Variants in FLNB observed in about 807,000 individuals in gnomAD.
FLNB encodes filamin-B.
In FLNB, 111 loss-of-function variants were observed where a neutral mutation model predicts 250.6. That is an observed-to-expected ratio of 0.44 (90% confidence interval 0.38 to 0.52). FLNB has a LOEUF of 0.52. Among genes scored for constraint, FLNB ranks in the 20% least tolerant of loss-of-function variants. The probability of loss-of-function intolerance (pLI) is 0.00; values close to 1 mark genes in which losing one functional copy is unlikely to be tolerated. For synonymous variants in FLNB, 1,302 were observed against 1,372.1 expected (o/e 0.95, Z 1.13); for missense variants, 2,869 against 3,447.8 (o/e 0.83, Z 4.20).
intron 31 of FLNB, 72 bp from the exon 32 acceptor site, chr3:58,143,401 G>A: frequency 3.2e-6 from 5 of 1,544,984 alleles, no homozygotes; most frequent in South Asian, 1.1e-5. Context: ...GAATACATCT[G>A]TGCCTTGGGC....
intron 7 of FLNB, among the ~76,000 whole-genome samples, chr3:58,098,195 G>A (rs2097242452): frequency 6.6e-6 from 1 of 152,174 alleles, no homozygotes; most frequent in Admixed American, 6.5e-5. Context: ...TTCTTGAATT[G>A]TTGGCTTCTT....
At position 58,109,286 on chromosome 3, in the gene FLNB, C is replaced by A; in HGVS notation, c.2163C>A (p.Val721=). 1 of 1,614,184 alleles carries A rather than the reference C, an allele frequency of 6.2e-7. No individual in the cohort carries two copies. Among genetic ancestry groups the A allele is most frequent in the Non-Finnish European group, 8.5e-7 (1 of 1,180,016 alleles). The part of the protein sequence containing the change: ...VKAIKHTIAV[V]WGGVNIPHSP... ...CCATCAAGCACACCATTGCTGTGGT[C>A]TGGGGAGGCGTGAACATCCCGCACA... The change falls in exon 14 of 46, where the codon GTC becomes GTA. Residue 721 remains valine (V), a synonymous_variant. Coordinates refer to ENST00000295956, the MANE Select transcript of FLNB (RefSeq NM_001457.4).
At position 58,123,508 on chromosome 3, in the gene FLNB, G is replaced by A. The variant is rs951952880; in HGVS notation, c.3542G>A (p.Ser1181Asn). 1 of 1,604,666 alleles carries A rather than the reference G, an allele frequency of 6.2e-7. No individual in the cohort carries two copies. The highest frequency in any genetic ancestry group is 8.5e-7 in the Non-Finnish European group (1 of 1,174,634). ...VSDSGTKAEVSIQNNKDGTYA... is the reference protein window; with the variant it reads ...VSDSGTKAEVNIQNNKDGTYA... ...GACTCGGGAACAAAAGCCGAAGTCA[G>A]TATTCAGAACAACAAAGATGGCACC... Residue 1181 changes from serine (S) to asparagine (N), a missense_variant, in exon 21 of 46, where the codon AGT (serine) becomes AAT (asparagine). Around this residue, in one of 5 missense-constraint regions of FLNB, gnomAD observed 1,348 missense variants for 1,466.7 expected, o/e 0.92. Transcript: ENST00000295956.
chr3:58,096,582 C>G (rs138665251), intron 6 of FLNB, among the ~76,000 whole-genome samples: 2,465 of 152,216 alleles, frequency 0.016, 60 homozygotes, highest in East Asian at 0.055. Flanking sequence ...GGTCTCAGCT[C>G]ACTGCAACCC....
At position 58,094,875 on chromosome 3, in the gene FLNB, A is replaced by G. The variant is rs1410087912; in HGVS notation, c.827A>G (p.Lys276Arg). Residue 276 changes from lysine (K) to arginine (R), a missense_variant, in exon 5 of 46, where the codon AAG (lysine) becomes AGG (arginine). Coordinates refer to ENST00000295956, the MANE Select transcript of FLNB (RefSeq NM_001457.4). ...PTGNMVKQPA[K>R]FTVDTISAGQ... ...GGAAACATGGTGAAGCAGCCAGCCA[A>G]GTTCACTGTGGACACCATCAGCGCC... 14 of 1,614,062 alleles carry G rather than the reference A, an allele frequency of 8.7e-6. No individual in the cohort carries two copies. Among genetic ancestry groups the G allele is most frequent in the Non-Finnish European group, 1.2e-5 (14 of 1,180,024 alleles).
intron 1 of FLNB, among the ~76,000 whole-genome samples, chr3:58,054,897 G>A (rs2097167877): frequency 6.6e-6 from 1 of 152,158 alleles, no homozygotes. Context: ...TTTATGTACT[G>A]TCTATGGATG....
intron 34 of FLNB, among the ~76,000 whole-genome samples, chr3:58,147,449 C>G (rs9809627): frequency 6.6e-6 from 1 of 152,168 alleles, no homozygotes; most frequent in Admixed American, 6.5e-5. Flanking sequence ...TATCAAATTC[C>G]AAAGCCCATG....
At chr3:58,085,754 A>G (rs1300388459) in intron 4 of FLNB, among the ~76,000 whole-genome samples, 1 of 152,108 alleles carries the variant, frequency 6.6e-6, no homozygotes, top group African/African-American at 2.4e-5. Flanking sequence ...ATCCTTAAGC[A>G]CCCTTCTATC....
chr3:58,060,769 C>CAAAAAAAAAA (rs71091334), intron 1 of FLNB, among the ~76,000 whole-genome samples: 9 of 64,212 alleles, frequency 1.4e-4, no homozygotes, highest in Non-Finnish European at 1.4e-4. Flanking sequence ...GACCTTGTCT[C>CAAAAAAAAAA]AAAAAAAAAA....
At chr3:58,018,578 C>T (rs962141993) in intron 1 of FLNB, among the ~76,000 whole-genome samples, 3 of 151,812 alleles carry the variant, frequency 2.0e-5, no homozygotes, top group Admixed American at 2.0e-4. Context: ...TACAGTGGCG[C>T]GATCTTGGCT....
At chr3:58,167,324 T>G (rs897802683) in intron 43 of FLNB, among the ~76,000 whole-genome samples, 1 of 152,198 alleles carries the variant, frequency 6.6e-6, no homozygotes, top group Admixed American at 6.5e-5. Context: ...GGGTGGACCT[T>G]GGGGCAGGAG....
intron 1 of FLNB, among the ~76,000 whole-genome samples, chr3:58,066,217 C>CTT (rs754973485): frequency 2.5e-4 from 35 of 138,268 alleles, no homozygotes; most frequent in African/African-American, 8.4e-4. Context: ...TTCTTTTTTT[C>CTT]TTTTTTTTTT....
intron 25 of FLNB, chr3:58,132,521 C>A (rs2097309194): frequency 2.0e-6 from 1 of 507,864 alleles, no homozygotes; most frequent in Non-Finnish European, 3.6e-6. Context: ...CCACATACAC[C>A]CTCCAGCAGC....
intron 1 of FLNB, among the ~76,000 whole-genome samples, chr3:58,076,267 T>A (rs2097201507): frequency 6.6e-6 from 1 of 152,116 alleles, no homozygotes; most frequent in Non-Finnish European, 1.5e-5. Flanking sequence ...ACATAATGAT[T>A]AATGAAAAGA....
intron 1 of FLNB, among the ~76,000 whole-genome samples, chr3:58,039,790 G>A (rs188359703): frequency 3.3e-5 from 5 of 152,152 alleles, no homozygotes; most frequent in Non-Finnish European, 1.5e-5. Context: ...GTGGTGGGGA[G>A]GGTAGCACTA....
intron 1 of FLNB, among the ~76,000 whole-genome samples, chr3:58,009,247 C>T (rs959202354): frequency 1.6e-4 from 25 of 152,180 alleles, no homozygotes; most frequent in African/African-American, 6.0e-4. Context: ...GCGGAGTGCT[C>T]TCCCTGCTGC....
At chr3:58,048,232 T>G (rs1309543860) in intron 1 of FLNB, among the ~76,000 whole-genome samples, 1 of 152,208 alleles carries the variant, frequency 6.6e-6, no homozygotes. Flanking sequence ...TTTACACATT[T>G]TTTTGTCTTT....
At chr3:58,015,690 G>A (rs2097104785) in intron 1 of FLNB, among the ~76,000 whole-genome samples, 1 of 152,158 alleles carries the variant, frequency 6.6e-6, no homozygotes, top group African/African-American at 2.4e-5. Flanking sequence ...GTCTGATTGA[G>A]TAGGTGCTGG....
intron 1 of FLNB, among the ~76,000 whole-genome samples, chr3:58,009,884 T>G (rs1380306048): frequency 6.6e-6 from 1 of 152,120 alleles, no homozygotes; most frequent in Admixed American, 6.5e-5. Flanking sequence ...GTCTCCCTTG[T>G]GGTCTGAGAT....
Sources: allele counts gnomAD v4.1 joint callset (sites outside exome capture counted in the v4.1 genomes callset), GRCh38; gene constraint gnomAD v4.1.1; regional missense constraint gnomAD v4.1.1; transcripts MANE v1.5; gene names NCBI Gene and HGNC (gene_info 2026-07-23, HGNC 2026-07-21).